DGLUCY: variants seen among roughly 807,000 people sequenced by gnomAD.
The protein encoded by DGLUCY is D-glutamate cyclase, also known as D-glutamate cyclase, mitochondrial.
DGLUCY carries 58 observed loss-of-function variants against 58.5 expected under a neutral mutation model. The observed-to-expected ratio is 0.99, with a 90% CI of 0.80 to 1.23. The LOEUF is 1.23. DGLUCY is among the 50% of genes most tolerant of loss of function. The pLI, the probability that DGLUCY is intolerant of heterozygous loss-of-function variation, is 0.00. For synonymous variants in DGLUCY, 325 were observed against 314.1 expected (o/e 1.03, Z -0.37); for missense variants, 779 against 784.7 (o/e 0.99, Z 0.09).
intron 10 of DGLUCY, among the ~76,000 whole-genome samples, chr14:91,199,150 A>T (rs1190406303): frequency 6.6e-6 from 1 of 151,950 alleles, no homozygotes; most frequent in East Asian, 1.9e-4. Flanking sequence ...GACAAAGGGG[A>T]TCTGAGTGGG....
chr14:91,125,703 A>C (rs1305216847), intron 1 of DGLUCY: 8 of 152,294 alleles, frequency 5.3e-5, no homozygotes, highest in Admixed American at 3.3e-4. Flanking sequence ...CTGTAATCCC[A>C]ACACTTTGGG....
intron 1 of DGLUCY, among the ~76,000 whole-genome samples, chr14:91,071,667 A>C (rs1262933760): frequency 6.6e-6 from 1 of 151,730 alleles, no homozygotes; most frequent in East Asian, 2.0e-4. Flanking sequence ...CAGGAGTTTG[A>C]GACCAGCCTG....
At chr14:91,174,949 T>A (rs2048774957) in intron 6 of DGLUCY, among the ~76,000 whole-genome samples, 1 of 152,178 alleles carries the variant, frequency 6.6e-6, no homozygotes, top group Admixed American at 6.5e-5. Context: ...TGACTGTTAC[T>A]GCGGTGTGAG....
At chr14:91,173,635 C>G in intron 6 of DGLUCY, 196 bp downstream of exon 6, 1 of 672,492 alleles carries the variant, frequency 1.5e-6, no homozygotes, top group Non-Finnish European at 2.3e-6. Context: ...CGTTCCTAAG[C>G]TCCCATGGCT....
chr14:91,213,563 G>A (rs993542520), intron 12 of DGLUCY, among the ~76,000 whole-genome samples: 14 of 152,168 alleles, frequency 9.2e-5, no homozygotes, highest in African/African-American at 3.1e-4. Flanking sequence ...TTTCAGAGAT[G>A]TAAGTGTAAC....
At chr14:91,135,543 G>A (rs528954286) in intron 1 of DGLUCY, among the ~76,000 whole-genome samples, 113 of 151,662 alleles carry the variant, frequency 7.5e-4, no homozygotes, top group African/African-American at 2.2e-3. Flanking sequence ...CCAGCTACTC[G>A]GGAGGCTGAG....
intron 1 of DGLUCY, among the ~76,000 whole-genome samples, chr14:91,151,971 T>C (rs995666813): frequency 6.6e-6 from 1 of 151,968 alleles, no homozygotes; most frequent in Non-Finnish European, 1.5e-5. Context: ...TCTCATGTCA[T>C]AAGAGACCCT....
intron 5 of DGLUCY, among the ~76,000 whole-genome samples, chr14:91,170,670 C>T (rs2048529079): frequency 6.6e-6 from 1 of 152,192 alleles, no homozygotes; most frequent in Non-Finnish European, 1.5e-5. Context: ...TGGCCTCTGG[C>T]AGTCACAAAC....
At chr14:91,195,295 C>G (rs796139337) in intron 9 of DGLUCY, among the ~76,000 whole-genome samples, 9 of 152,274 alleles carry the variant, frequency 5.9e-5, no homozygotes, top group African/African-American at 2.2e-4. Context: ...TGAGATAGAT[C>G]GGTTAATGAA....
chr14:91,182,656 G>C (rs997877231), intron 8 of DGLUCY, among the ~76,000 whole-genome samples: 2 of 152,126 alleles, frequency 1.3e-5, no homozygotes, highest in Admixed American at 6.6e-5. Context: ...CTGGGGTTGG[G>C]CATGGAATAG....
intron 10 of DGLUCY, 141 bp from the exon 11 acceptor site, chr14:91,199,616 G>C (rs148026718): frequency 1.1e-6 from 1 of 936,978 alleles, no homozygotes; most frequent in Non-Finnish European, 1.6e-6. Context: ...GCCCAGAGTA[G>C]ATGTGCCACC....
chr14:91,064,094 C>A (rs1218863961), intron 1 of DGLUCY, among the ~76,000 whole-genome samples: 1 of 152,106 alleles, frequency 6.6e-6, no homozygotes, highest in African/African-American at 2.4e-5. Flanking sequence ...GTGTTTCTAG[C>A]GTGAGCAGCT....
In DGLUCY at chr14:91,100,328, T is replaced by G. The variant is rs1313555463; in HGVS notation, c.-82+39624T>G. Among the ~76,000 whole-genome samples the G allele has an allele frequency of 1.4e-4, 21 of 152,156 alleles. 1 individual carries two copies. The highest frequency in any genetic ancestry group is 1.4e-3 in the Admixed American group (21 of 15,262). On this transcript the variant is annotated intron_variant, in intron 1 of 4. Transcript: ENST00000521334. ...GAGGAGGAAGAGAGGGTGGAGAGAT[T>G]ACCAATTCAGTAACCTCCTCACGAC...
upstream of DGLUCY, among the ~76,000 whole-genome samples, chr14:91,110,187 T>A (rs1478305270): frequency 2.6e-5 from 4 of 152,258 alleles, no homozygotes; most frequent in Non-Finnish European, 5.9e-5. Flanking sequence ...GTAATATTTC[T>A]CTTCCTGAGC....
At chr14:91,162,165 C>T (rs540832187) in intron 3 of DGLUCY, among the ~76,000 whole-genome samples, 2 of 152,268 alleles carry the variant, frequency 1.3e-5, no homozygotes, top group African/African-American at 2.4e-5. Context: ...TCCCCGCTGC[C>T]GTGAAATGCT....
At chr14:91,220,690 G>C (rs1016787907) in intron 13 of DGLUCY, 1 of 455,770 alleles carries the variant, frequency 2.2e-6, no homozygotes, top group Non-Finnish European at 4.4e-6. Context: ...GCTCTCCCCT[G>C]CCTATTGCAA....
At chr14:91,131,599 A>C (rs925579861) in intron 1 of DGLUCY, among the ~76,000 whole-genome samples, 1 of 151,880 alleles carries the variant, frequency 6.6e-6, no homozygotes, top group Non-Finnish European at 1.5e-5. Flanking sequence ...TATATCTCCT[A>C]TGCTATCCCT....
At position 91,121,779 on chromosome 14, in the gene DGLUCY, A is replaced by G. The variant is rs868504628; in HGVS notation, c.-82+7496A>G. ...TATAGTGTGCCAGGCACTGTTCAGTATACTGGGGATAGAGCAGGGGGAAAA... is the reference window on the plus strand; with the variant it reads ...TATAGTGTGCCAGGCACTGTTCAGTGTACTGGGGATAGAGCAGGGGGAAAA... On this transcript the variant is annotated intron_variant, in intron 1 of 13. Transcript: ENST00000256324. Among the ~76,000 whole-genome samples the G allele has an allele frequency of 1.3e-4, 20 of 152,260 alleles. No individual in the cohort carries two copies. In the Middle Eastern group the frequency reaches 0.01, roughly 78 times the overall value.
In DGLUCY at chr14:91,082,689, G is replaced by C. The variant is rs573740014; in HGVS notation, c.-82+21985G>C. Among the ~76,000 whole-genome samples, 4 of 152,262 alleles carry C rather than the reference G, an allele frequency of 2.6e-5. No individual in the cohort carries two copies. The South Asian group carries it at 8.3e-4, about 32-fold the overall frequency. On this transcript the variant is annotated intron_variant, in intron 1 of 4. Transcript: ENST00000521334. ...AAGGATCCTCATGAAGTTCCTGTTGGTATCAGCTTCATTATCACAGGCCTT... is the reference window on the plus strand; with the variant it reads ...AAGGATCCTCATGAAGTTCCTGTTGCTATCAGCTTCATTATCACAGGCCTT...
Sources: allele counts gnomAD v4.1 joint callset (sites outside exome capture counted in the v4.1 genomes callset), GRCh38; gene constraint gnomAD v4.1.1; transcripts MANE v1.5; gene names NCBI Gene and HGNC (gene_info 2026-07-23, HGNC 2026-07-21).